KAZN: variants seen among roughly 807,000 people sequenced by gnomAD.
KAZN encodes kazrin, periplakin interacting protein, also known as kazrin.
KAZN carries 40 observed loss-of-function variants against 87.4 expected under a neutral mutation model. The observed-to-expected ratio is 0.46, with a 90% CI of 0.36 to 0.60. The LOEUF (loss-of-function observed/expected upper bound fraction) is 0.60, where lower values mean the gene tolerates loss of function less well. Ranked by LOEUF, KAZN falls within the 20% of genes least tolerant of loss-of-function variation. The pLI is 0.00. For synonymous variants in KAZN, 466 were observed against 458.3 expected (o/e 1.02, Z -0.22); for missense variants, 898 against 1,073.9 (o/e 0.84, Z 2.29).
chr1:14,213,740 G>C (rs1192112400), intron 2 of KAZN, among the ~76,000 whole-genome samples: 6 of 152,138 alleles, frequency 3.9e-5, no homozygotes, highest in South Asian at 4.1e-4. Context: ...TGACTATGTT[G>C]GGGGGAGACT....
intron 2 of KAZN, among the ~76,000 whole-genome samples, chr1:14,275,696 G>A (rs1055716360): frequency 6.6e-6 from 1 of 152,130 alleles, no homozygotes; most frequent in Non-Finnish European, 1.5e-5. Flanking sequence ...ACATTTTAGA[G>A]CCAATAGACA....
At chr1:13,901,141 C>A (rs530394897) in intron 1 of KAZN, among the ~76,000 whole-genome samples, 4 of 152,122 alleles carry the variant, frequency 2.6e-5, no homozygotes, top group Non-Finnish European at 5.9e-5. Context: ...ACAGCCACCC[C>A]CCGTCCCCTC....
At chr1:14,484,882 T>TGG (rs1475545338) in intron 2 of KAZN, among the ~76,000 whole-genome samples, 4 of 152,214 alleles carry the variant, frequency 2.6e-5, no homozygotes, top group African/African-American at 9.7e-5. Flanking sequence ...AATGCCAAAA[T>TGG]GCTTTGTCAA....
intron 1 of KAZN, among the ~76,000 whole-genome samples, chr1:14,068,206 C>T (rs907985347): frequency 3.3e-5 from 5 of 152,172 alleles, no homozygotes; most frequent in Non-Finnish European, 7.3e-5. Flanking sequence ...GACTTCTGAT[C>T]TACCAACCAC....
At chr1:14,834,547 G>T (rs1216018703) in intron 1 of KAZN, among the ~76,000 whole-genome samples, 2 of 151,718 alleles carry the variant, frequency 1.3e-5, no homozygotes, top group Non-Finnish European at 2.9e-5. Context: ...ATATTTAGTA[G>T]AGACGGGGTT....
chr1:14,396,342 A>G (rs2101112563), intron 2 of KAZN, among the ~76,000 whole-genome samples: 1 of 152,304 alleles, frequency 6.6e-6, no homozygotes, highest in East Asian at 1.9e-4. Context: ...CAGCCACACC[A>G]GCTATGGCTC....
At chr1:14,685,113 T>A (rs1435471188) in intron 1 of KAZN, among the ~76,000 whole-genome samples, 2 of 152,176 alleles carry the variant, frequency 1.3e-5, no homozygotes, top group African/African-American at 4.8e-5. Flanking sequence ...AAATAGTTTA[T>A]CTGAAAGATG....
chr1:15,008,790 G>A (rs1253277863), intron 2 of KAZN, among the ~76,000 whole-genome samples: 1 of 151,648 alleles, frequency 6.6e-6, no homozygotes, highest in African/African-American at 2.4e-5. Flanking sequence ...CAGGAGCCCT[G>A]GGCAGAGGCG....
At chr1:14,790,848 A>G (rs929958874) in intron 1 of KAZN, among the ~76,000 whole-genome samples, 1 of 152,132 alleles carries the variant, frequency 6.6e-6, no homozygotes, top group Non-Finnish European at 1.5e-5. Flanking sequence ...GTGCACCACT[A>G]TGCCAACTAA....
At chr1:14,881,011 T>C (rs906920721) in intron 1 of KAZN, among the ~76,000 whole-genome samples, 7 of 152,220 alleles carry the variant, frequency 4.6e-5, no homozygotes, top group African/African-American at 1.7e-4. Flanking sequence ...AGAAAACGAA[T>C]GACAGTCCAG....
intron 1 of KAZN, among the ~76,000 whole-genome samples, chr1:14,163,220 A>G (rs551202423): frequency 6.6e-6 from 1 of 152,326 alleles, no homozygotes; most frequent in South Asian, 2.1e-4. Flanking sequence ...GTGAAAGTTT[A>G]TTAAAAAGTT....
At chr1:14,542,864 A>G (rs1315356493) in intron 2 of KAZN, among the ~76,000 whole-genome samples, 1 of 152,168 alleles carries the variant, frequency 6.6e-6, no homozygotes, top group Non-Finnish European at 1.5e-5. Flanking sequence ...ATCACACTGC[A>G]CGACTCTAAT....
At chr1:14,771,058 G>C (rs1221128543) in intron 1 of KAZN, among the ~76,000 whole-genome samples, 1 of 152,114 alleles carries the variant, frequency 6.6e-6, no homozygotes, top group Non-Finnish European at 1.5e-5. Flanking sequence ...TACCCTTCCC[G>C]CCATCCCCAG....
intron 1 of KAZN, among the ~76,000 whole-genome samples, chr1:14,661,075 C>A (rs958097443): frequency 6.6e-6 from 1 of 152,140 alleles, no homozygotes; most frequent in African/African-American, 2.4e-5. Context: ...CTGTATTAGG[C>A]CTTTTACTTA....
chr1:15,046,184 G>A (rs1673481855), intron 4 of KAZN, among the ~76,000 whole-genome samples: 1 of 151,818 alleles, frequency 6.6e-6, no homozygotes, highest in Non-Finnish European at 1.5e-5. Context: ...TGTAATCCCA[G>A]TTACTCGGGA....
intron 2 of KAZN, among the ~76,000 whole-genome samples, chr1:14,534,450 G>A (rs1672372862): frequency 1.3e-5 from 2 of 152,116 alleles, no homozygotes; most frequent in Non-Finnish European, 2.9e-5. Context: ...TTCAAGACCA[G>A]CCTGGCCAAC....
chr1:15,042,737 G>A (rs76925118), intron 3 of KAZN, among the ~76,000 whole-genome samples: 6 of 152,226 alleles, frequency 3.9e-5, no homozygotes, highest in African/African-American at 9.6e-5. Flanking sequence ...AAAAGGCCAC[G>A]TTCTCCCTCA....
chr1:14,805,804 TAA>T (rs869228653), intron 1 of KAZN, among the ~76,000 whole-genome samples: 1 of 125,976 alleles, frequency 7.9e-6, no homozygotes, highest in Non-Finnish European at 1.7e-5. Flanking sequence ...ATAATAATAA[TAA>T]ATTAAAATCT....
At chr1:13,956,432 ATTCCTGCCTG>A (rs917775707) in intron 1 of KAZN, among the ~76,000 whole-genome samples, 2 of 150,092 alleles carry the variant, frequency 1.3e-5, no homozygotes, top group African/African-American at 4.9e-5. Flanking sequence ...TCTATCTTTA[ATTCCTGCCTG>A]TTCCTGACCA....
Sources: allele counts gnomAD v4.1 joint callset (sites outside exome capture counted in the v4.1 genomes callset), GRCh38; gene constraint gnomAD v4.1.1; transcripts MANE v1.5; gene names NCBI Gene and HGNC (gene_info 2026-07-23, HGNC 2026-07-21).